The following ZKSCAN1 variants were observed in gnomAD, a reference collection of about 807,000 sequenced individuals.
The protein encoded by ZKSCAN1 is zinc finger protein with KRAB and SCAN domains 1.
ZKSCAN1 carries 14 observed loss-of-function variants against 51.6 expected under a neutral mutation model. The observed-to-expected ratio is 0.27, with a 90% CI of 0.18 to 0.42. ZKSCAN1 has a LOEUF of 0.42. Among genes scored for constraint, ZKSCAN1 ranks in the 10% least tolerant of loss-of-function variants. ZKSCAN1 has a pLI of 1.00. For missense variants in ZKSCAN1, 531 were observed against 710.0 expected (o/e 0.75, Z 2.86); for synonymous variants, 263 against 261.5 (o/e 1.01, Z -0.06).
intron 1 of ZKSCAN1, among the ~76,000 whole-genome samples, chr7:100,022,062 C>T (rs1790613550): frequency 6.6e-6 from 1 of 152,098 alleles, no homozygotes; most frequent in Non-Finnish European, 1.5e-5. Context: ...TTTAAAGCTG[C>T]TTGTCTCTTT....
Position 100,040,154 on chromosome 7 carries a change from TTTGGGAAATAC to T in ZKSCAN1, c.*5960_*5970del. On this transcript the variant is annotated 3_prime_UTR_variant, in exon 6 of 6. Coordinates refer to ENST00000324306, the MANE Select transcript of ZKSCAN1 (RefSeq NM_003439.4). ...TCCAACTCTGCAGGTCAAACGAAAG[TTTGGGAAATAC>T]TTTTGACATCCCACAATACAGAATG... The T allele has an allele frequency of 2.0e-6, 2 of 985,366 alleles. No individual in the cohort carries two copies. The highest frequency in any genetic ancestry group is 2.4e-6 in the Non-Finnish European group (2 of 829,878). 61.0% of individuals were successfully genotyped at this position (985,366 alleles called of 1,614,324 possible). A position where few individuals can be genotyped will look rare whatever the true frequency, so the allele number is the denominator to read the frequency against.
chr7:100,028,960 T>C (rs1453628478), intron 3 of ZKSCAN1, among the ~76,000 whole-genome samples: 1 of 151,616 alleles, frequency 6.6e-6, no homozygotes, highest in African/African-American at 2.4e-5. Flanking sequence ...AGGTCAGGAG[T>C]TCGAGACCAG....
In ZKSCAN1 at chr7:100,040,753, G is replaced by C. The variant is rs962880452; in HGVS notation, c.*6556G>C. On this transcript the variant is annotated 3_prime_UTR_variant, in exon 6 of 6. Transcript: ENST00000324306. ...GGAAAGGCTGTTGGGGTGTGCTGGG[G>C]TTGGTACCCGAGCGCCTTCCCCTCA... The C allele has an allele frequency of 3.1e-5, 31 of 985,390 alleles. No homozygotes were observed. Among genetic ancestry groups the C allele is most frequent in the Non-Finnish European group, 1.9e-5 (16 of 829,992 alleles). 61.0% of individuals were successfully genotyped at this position (985,390 alleles called of 1,614,324 possible).
Position 100,033,348 on chromosome 7 carries a change from T to G in ZKSCAN1, c.843T>G (p.Ala281=), listed in dbSNP as rs767123962. 6.2e-7 allele frequency: 1 copy of G among 1,613,540 alleles called. No homozygotes were observed. Among genetic ancestry groups the G allele is most frequent in the Non-Finnish European group, 8.5e-7 (1 of 1,179,908 alleles). The change falls in exon 6 of 6, where the codon GCT becomes GCG. Residue 281 remains alanine, a synonymous_variant. Transcript: ENST00000324306. The surrounding 1 kb of genome is among the most constrained non-coding windows in gnomAD (Gnocchi z 4.1). ...RNENEESTSK[A]ETSEDSASRG... ...AGAACGAGGAGTCAACCTCAAAGGC[T>G]GAAACCTCGGAAGATTCAGCATCAC...
At chr7:100,044,464 G>C (rs1791674218), downstream of ZKSCAN1, among the ~76,000 whole-genome samples, 1 of 151,626 alleles carries the variant, frequency 6.6e-6, no homozygotes, top group African/African-American at 2.4e-5. Flanking sequence ...TCGGGAGATC[G>C]AGACCATCCT....
At chr7:100,029,164 CAA>C (rs56176717) in intron 3 of ZKSCAN1, among the ~76,000 whole-genome samples, 32 of 120,274 alleles carry the variant, frequency 2.7e-4, no homozygotes, top group South Asian at 1.4e-3. Flanking sequence ...AACTCTGTCT[CAA>C]AAAAAAAAAA....
chr7:100,017,145 G>A (rs958183079), intron 1 of ZKSCAN1, among the ~76,000 whole-genome samples: 6 of 151,882 alleles, frequency 4.0e-5, no homozygotes, highest in African/African-American at 1.5e-4. Flanking sequence ...TGTCTTTTAA[G>A]GTAGCTTTTT....
chr7:100,027,887 A>C (rs1323767078), intron 3 of ZKSCAN1, among the ~76,000 whole-genome samples: 1 of 151,936 alleles, frequency 6.6e-6, no homozygotes, highest in Non-Finnish European at 1.5e-5. Flanking sequence ...CATGGTCTTA[A>C]GCACTAGATT....
intron 3 of ZKSCAN1, chr7:100,024,970 TTTG>T (rs1790761366): frequency 6.6e-6 from 1 of 151,724 alleles, no homozygotes; most frequent in Non-Finnish European, 1.5e-5. Context: ...ATGCTTGTTT[TTTG>T]TTTTTAGTTA....
At chr7:100,028,103 C>T (rs1790922414) in intron 3 of ZKSCAN1, among the ~76,000 whole-genome samples, 2 of 152,000 alleles carry the variant, frequency 1.3e-5, no homozygotes, top group African/African-American at 4.8e-5. Flanking sequence ...GCCTGTAATC[C>T]CAGCACTTTG....
At chr7:100,029,105 G>A (rs1385995425) in intron 3 of ZKSCAN1, among the ~76,000 whole-genome samples, 1 of 144,894 alleles carries the variant, frequency 6.9e-6, no homozygotes, top group Non-Finnish European at 1.5e-5. Flanking sequence ...CGAAAGTTGC[G>A]ATGAGCTAAG....
chr7:100,037,712 CAT>C lies in ZKSCAN1; in HGVS notation c.*3516_*3517del, dbSNP rs1167954235. The C allele has an allele frequency of 9.1e-6, 9 of 985,274 alleles. No individual in the cohort carries two copies. The African/African-American group carries it at 1.6e-4, about 17-fold the overall frequency. The allele number at this position is 985,274 out of a possible 1,614,324, so 61.0% of individuals were successfully genotyped here. A position where few individuals can be genotyped will look rare whatever the true frequency, so the allele number is the denominator to read the frequency against. On this transcript the variant is annotated 3_prime_UTR_variant, in exon 6 of 6. Coordinates refer to ENST00000324306, the MANE Select transcript of ZKSCAN1 (RefSeq NM_003439.4). ...TTCCAATCGTGATGAATTTGAGAAA[CAT>C]TGCAAGAGGGAGCTCAATCTTGGCC...
At position 100,033,298 on chromosome 7, in the gene ZKSCAN1, A is replaced by T. The variant is rs1270081275; in HGVS notation, c.800-7A>T. 3.2e-6 allele frequency: 5 copies of T among 1,583,980 alleles called. No homozygotes were observed. The highest frequency in any genetic ancestry group is 4.3e-6 in the Non-Finnish European group (5 of 1,169,790). On this transcript the variant is annotated splice_polypyrimidine_tract_variant and splice_region_variant and intron_variant, in intron 5 of 5. Coordinates refer to ENST00000324306, the MANE Select transcript of ZKSCAN1 (RefSeq NM_003439.4). This position sits in a 1 kb window ranked among gnomAD's most constrained non-coding sequence, Gnocchi z 4.1. ...GTGCGATTTGAATTTTCTATTTATT[A>T]TGTCAGGTGGTGAAAACAGGAATGA...
At position 100,034,916 on chromosome 7, in the gene ZKSCAN1, C is replaced by G. The variant is rs1486219863; in HGVS notation, c.*719C>G. On this transcript the variant is annotated 3_prime_UTR_variant, in exon 6 of 6. Transcript: ENST00000324306. Reference sequence around the variant, plus strand: ...GGCAACAACAACTCCAAATACATCTCTCCCTTCTTGAAATCCCTAAAGCAC... The same window carrying G: ...GGCAACAACAACTCCAAATACATCTGTCCCTTCTTGAAATCCCTAAAGCAC... 1 of 152,704 alleles carries G rather than the reference C, an allele frequency of 6.5e-6. No individual in the cohort carries two copies. The highest frequency in any genetic ancestry group is 1.5e-5 in the Non-Finnish European group (1 of 68,084). The allele number at this position is 152,704 out of a possible 1,614,324, so 9.5% of individuals were successfully genotyped here.
At position 100,023,521 on chromosome 7, in the gene ZKSCAN1, A is replaced by G. The variant is rs1459185305; in HGVS notation, c.15A>G (p.Glu5=). The G allele has an allele frequency of 1.2e-6, 2 of 1,611,186 alleles. No homozygotes were observed. The highest frequency in any genetic ancestry group is 1.7e-6 in the Non-Finnish European group (2 of 1,179,054). The change falls in exon 2 of 6, where the codon GAA becomes GAG. Residue 5 remains glutamate, a synonymous_variant. Coordinates refer to ENST00000324306, the MANE Select transcript of ZKSCAN1 (RefSeq NM_003439.4). ...CTGGAGCCTGAATGATGACTGCTGA[A>G]TCACGGGAAGCCACGGGTCTGTCCC... is the stretch of plus-strand genomic sequence containing the variant. MMTA[E]SREATGLSPQ... is the part of the protein sequence containing the mutation.
At chr7:100,030,473 T>TA (rs1791060226) in intron 5 of ZKSCAN1, 98 bp downstream of exon 5, 1 of 1,413,520 alleles carries the variant, frequency 7.1e-7, no homozygotes, top group Non-Finnish European at 9.6e-7. Context: ...GTTGAGGAGT[T>TA]AGAGACTACC....
chr7:100,038,439 G>A lies in ZKSCAN1; in HGVS notation c.*4242G>A. 1.0e-6 allele frequency: 1 copy of A among 985,412 alleles called. No homozygotes were observed. Among genetic ancestry groups the A allele is most frequent in the Non-Finnish European group, 1.2e-6 (1 of 829,938 alleles). 61.0% of individuals were successfully genotyped at this position (985,412 alleles called of 1,614,324 possible). ...ATTGGTAAATTTCTGAGGAAAGACA[G>A]GCTAATGGGGCACTGAAATGGAACA... is the stretch of plus-strand genomic sequence containing the variant. On this transcript the variant is annotated 3_prime_UTR_variant, in exon 6 of 6. Transcript: ENST00000324306.
downstream of ZKSCAN1, among the ~76,000 whole-genome samples, chr7:100,043,242 C>T (rs537985423): frequency 1.3e-5 from 2 of 151,718 alleles, no homozygotes; most frequent in Non-Finnish European, 2.9e-5. Context: ...ATTATTTTTT[C>T]TTTTATAGAG....
At chr7:100,028,206 A>G (rs143367015) in intron 3 of ZKSCAN1, among the ~76,000 whole-genome samples, 3 of 152,170 alleles carry the variant, frequency 2.0e-5, no homozygotes, top group Non-Finnish European at 2.9e-5. Flanking sequence ...TACAAAAACT[A>G]GCTGAGCGTG....
Sources: allele counts gnomAD v4.1 joint callset (sites outside exome capture counted in the v4.1 genomes callset), GRCh38; gene constraint gnomAD v4.1.1; non-coding constraint Gnocchi (gnomAD v3.1); transcripts MANE v1.5; gene names NCBI Gene and HGNC (gene_info 2026-07-23, HGNC 2026-07-21).